RABGAP1L: variants seen among roughly 807,000 people sequenced by gnomAD.
RABGAP1L encodes RAB GTPase activating protein 1 like, also known as rab GTPase-activating protein 1-like.
A neutral mutation model predicts 137.7 loss-of-function variants in RABGAP1L; 63 were observed. The observed-to-expected ratio is 0.46, with a 90% CI of 0.37 to 0.56. The LOEUF (loss-of-function observed/expected upper bound fraction) is 0.56, where lower values mean the gene tolerates loss of function less well. Ranked by LOEUF, RABGAP1L falls within the 20% of genes least tolerant of loss-of-function variation. The pLI is 0.00. For missense variants in RABGAP1L, 1,095 were observed against 1,244.0 expected (o/e 0.88, Z 1.80); for synonymous variants, 431 against 433.7 (o/e 0.99, Z 0.08).
Position 174,698,938 on chromosome 1 carries a change from T to G in RABGAP1L, c.1900-587T>G, listed in dbSNP as rs1000588932. Among the ~76,000 whole-genome samples the G allele has an allele frequency of 3.3e-5, 5 of 152,176 alleles. No individual in the cohort carries two copies. The East Asian group carries it at 9.6e-4, about 29-fold the overall frequency. On this transcript the variant is annotated intron_variant, in intron 15 of 25. Coordinates refer to ENST00000681986, the MANE Select transcript of RABGAP1L (RefSeq NM_001366446.1). ...GTACCGGGGATTAGTTTATATATAA[T>G]GATAGGGAGGAGCGAGACTTTTACC... is the stretch of plus-strand genomic sequence containing the variant.
chr1:174,194,885 T>C (rs1667459130), intron 1 of RABGAP1L, among the ~76,000 whole-genome samples: 1 of 152,220 alleles, frequency 6.6e-6, no homozygotes, highest in Non-Finnish European at 1.5e-5. Flanking sequence ...ATCAGGTTTT[T>C]CAGGAGGTCT....
intron 13 of RABGAP1L, among the ~76,000 whole-genome samples, chr1:174,596,950 GT>G (rs1318102690): frequency 1.3e-5 from 2 of 151,888 alleles, no homozygotes; most frequent in African/African-American, 2.4e-5. Context: ...TTATTGAATG[GT>G]TTTTTTGTAT....
Position 174,928,870 on chromosome 1 carries a change from CT to C in RABGAP1L, c.2341-28586del, listed in dbSNP as rs200729296. 9.0e-3 allele frequency among the ~76,000 whole-genome samples: 1,369 copies of C among 152,222 alleles called. 25 individuals carry two copies. Among genetic ancestry groups the C allele is most frequent in the African/African-American group, 0.032 (1,321 of 41,526 alleles). The stretch of plus-strand genomic sequence containing the variant: ...TACCCTGGAGTATCTCTCTGGCTGG[CT>C]GGGGTACAAACATGTAAACAAACAA... On this transcript the variant is annotated intron_variant, in intron 19 of 25. Transcript: ENST00000681986.
At chr1:174,681,589 G>A (rs1462730948) in intron 14 of RABGAP1L, among the ~76,000 whole-genome samples, 1 of 152,200 alleles carries the variant, frequency 6.6e-6, no homozygotes, top group East Asian at 1.9e-4. Flanking sequence ...AGGCATGGGG[G>A]AACATTCTGG....
At chr1:174,370,512 CTTTTTTT>C (rs372406044) in intron 11 of RABGAP1L, among the ~76,000 whole-genome samples, 1 of 50,362 alleles carries the variant, frequency 2.0e-5, no homozygotes, top group African/African-American at 9.2e-5. Flanking sequence ...AGAAACCTAA[CTTTTTTT>C]TTTTTTTTTT....
chr1:174,632,664 C>T (rs1445517114), intron 13 of RABGAP1L, among the ~76,000 whole-genome samples: 2 of 149,960 alleles, frequency 1.3e-5, no homozygotes, highest in African/African-American at 5.0e-5. Context: ...CACTGATACC[C>T]TTTCTTCCAG....
In RABGAP1L at chr1:174,900,765, C is replaced by T. The variant is rs148441663; in HGVS notation, c.2341-56692C>T. Among the ~76,000 whole-genome samples the T allele has an allele frequency of 8.0e-3, 1,222 of 152,280 alleles. 6 individuals carry two copies. The highest frequency in any genetic ancestry group is 0.012 in the Non-Finnish European group (842 of 68,034). On this transcript the variant is annotated intron_variant, in intron 19 of 25. Transcript: ENST00000681986. The stretch of plus-strand genomic sequence containing the variant: ...GTACTCCTTGCCTCAAGTGATCCAC[C>T]TGCATTGGCCTCCCAAAGTGCTGGG...
chr1:174,517,214 T>C (rs1459640807), intron 13 of RABGAP1L, among the ~76,000 whole-genome samples: 1 of 152,146 alleles, frequency 6.6e-6, no homozygotes, highest in Non-Finnish European at 1.5e-5. Context: ...CCATATGTTA[T>C]TAAAAGTGTT....
chr1:174,814,851 G>A (rs999772046), intron 19 of RABGAP1L, among the ~76,000 whole-genome samples: 10 of 151,976 alleles, frequency 6.6e-5, no homozygotes, highest in Non-Finnish European at 1.2e-4. Flanking sequence ...ACCACGCCTG[G>A]CTATTTTTGT....
intron 19 of RABGAP1L, among the ~76,000 whole-genome samples, chr1:174,893,661 T>C (rs1656641861): frequency 6.6e-6 from 1 of 152,242 alleles, no homozygotes; most frequent in African/African-American, 2.4e-5. Context: ...CCAGATAACA[T>C]GTTCTACTTT....
chr1:174,448,972 A>G lies in RABGAP1L; in HGVS notation c.1710+54827A>G. The G allele has an allele frequency of 6.2e-7, 1 of 1,613,954 alleles. No individual in the cohort carries two copies. Among genetic ancestry groups the G allele is most frequent in the Non-Finnish European group, 8.5e-7 (1 of 1,179,850 alleles). On this transcript the variant is annotated intron_variant, in intron 13 of 25. Coordinates refer to ENST00000681986, the MANE Select transcript of RABGAP1L (RefSeq NM_001366446.1). This position sits in a 1 kb window ranked among gnomAD's most constrained non-coding sequence, Gnocchi z 4.2. The stretch of plus-strand genomic sequence containing the variant: ...TCCCCTATATAATTTACTTTCTTCT[A>G]GAAAGCTCCCGGGTCTTGGACAATC...
intron 13 of RABGAP1L, among the ~76,000 whole-genome samples, chr1:174,613,496 A>C (rs1347775378): frequency 3.3e-5 from 5 of 152,024 alleles, no homozygotes; most frequent in Admixed American, 6.6e-5. Context: ...CAATTTTGGA[A>C]TAGGTGTGGT....
chr1:174,870,189 T>C (rs1651953544), intron 19 of RABGAP1L, among the ~76,000 whole-genome samples: 1 of 152,366 alleles, frequency 6.6e-6, no homozygotes, highest in African/African-American at 2.4e-5. Context: ...TACCATAGGC[T>C]AATTTAAATC....
Position 174,405,281 on chromosome 1 carries a change from T to C in RABGAP1L, c.1710+11136T>C, listed in dbSNP as rs545871741. ...TGAGTCATGTAGCCAAGTAAATATT[T>C]GCTTTTTCTTTACATGGTTTACTTT... On this transcript the variant is annotated intron_variant, in intron 13 of 25. Transcript: ENST00000681986. Among the ~76,000 whole-genome samples, 5 of 152,338 alleles carry C rather than the reference T, an allele frequency of 3.3e-5. No homozygotes were observed. The East Asian group carries it at 7.7e-4, about 23-fold the overall frequency.
At chr1:174,932,266 A>G (rs536303621) in intron 19 of RABGAP1L, among the ~76,000 whole-genome samples, 2 of 148,594 alleles carry the variant, frequency 1.3e-5, no homozygotes, top group East Asian at 3.9e-4. Context: ...TTTTTTTTTT[A>G]AAAGAAGAAT....
intron 13 of RABGAP1L, among the ~76,000 whole-genome samples, chr1:174,624,293 T>C (rs2148285843): frequency 6.6e-6 from 1 of 152,340 alleles, no homozygotes; most frequent in Non-Finnish European, 1.5e-5. Context: ...TTTGCAGACA[T>C]TCTCCACTGA....
At chr1:174,551,019 T>TATATATATATATATATATATATAC (rs1553330337) in intron 13 of RABGAP1L, among the ~76,000 whole-genome samples, 3 of 116,004 alleles carry the variant, frequency 2.6e-5, no homozygotes, top group African/African-American at 1.2e-4. Flanking sequence ...TATATATATA[T>TATATATATATATATATATATATAC]ATACATACAC....
chr1:174,871,284 C>T (rs1053893666), intron 19 of RABGAP1L, among the ~76,000 whole-genome samples: 1 of 152,046 alleles, frequency 6.6e-6, no homozygotes, highest in African/African-American at 2.4e-5. Flanking sequence ...CAGGCATATG[C>T]CACCACGCCT....
intron 19 of RABGAP1L, among the ~76,000 whole-genome samples, chr1:174,895,164 T>G (rs1238437591): frequency 6.6e-6 from 1 of 152,176 alleles, no homozygotes; most frequent in Non-Finnish European, 1.5e-5. Context: ...AATAAGTAAA[T>G]GAAATAAATG....
Sources: gnomAD v4.1 joint callset for allele counts (sites outside exome capture counted in the v4.1 genomes callset) on GRCh38, gnomAD v4.1.1 for gene constraint, Gnocchi (gnomAD v3.1) non-coding constraint, MANE v1.5 for transcripts, NCBI Gene and HGNC (gene_info 2026-07-23, HGNC 2026-07-21) for gene names.